Variants in ITPR1 observed in about 807,000 individuals in gnomAD.
ITPR1 encodes the protein inositol 1,4,5-trisphosphate-gated calcium channel ITPR1.
Under a neutral mutation model 318.4 loss-of-function variants are expected in ITPR1, and 96 were observed. The ratio of observed to expected loss-of-function variants is 0.30; its 90% CI spans 0.26 to 0.36. ITPR1 has a LOEUF of 0.36. ITPR1 is among the 10% of genes least tolerant of loss of function. ITPR1 has a pLI of 1.00. For synonymous variants in ITPR1, 1,312 were observed against 1,289.9 expected, an observed-to-expected ratio of 1.02 and a Z score of -0.37; for missense variants, 2,440 against 3,460.2, an observed-to-expected ratio of 0.71 and a Z score of 7.40.
At chr3:4,749,995 A>G (rs17041331) in intron 44 of ITPR1, 9,311 of 152,570 alleles carry the variant, frequency 0.061, 452 homozygotes, top group South Asian at 0.13. Flanking sequence ...CATCCACTGG[A>G]CTCTTACCAT....
intron 4 of ITPR1, among the ~76,000 whole-genome samples, chr3:4,530,066 C>G (rs763740133): frequency 6.6e-6 from 1 of 152,108 alleles, no homozygotes; most frequent in Admixed American, 6.6e-5. Context: ...AAAAATTACC[C>G]GATTTCTTAA....
chr3:4,750,200 A>G (rs1267283360), intron 44 of ITPR1: 1 of 152,130 alleles, frequency 6.6e-6, no homozygotes, highest in Admixed American at 6.5e-5. Flanking sequence ...AGGAAGCCAC[A>G]AGATTCCATA....
intron 4 of ITPR1, among the ~76,000 whole-genome samples, chr3:4,576,576 A>G (rs957335917): frequency 6.6e-6 from 1 of 152,166 alleles, no homozygotes; most frequent in South Asian, 2.1e-4. Flanking sequence ...AGAAAAAGAA[A>G]ATTTATCTAG....
chr3:4,618,915 A>G (rs916718225), intron 4 of ITPR1, among the ~76,000 whole-genome samples: 2 of 152,230 alleles, frequency 1.3e-5, no homozygotes, highest in Admixed American at 6.5e-5. Context: ...TTTGATAAAC[A>G]ACCACACAAC....
Position 4,725,529 on chromosome 3 carries a change from G to C in ITPR1, c.5137-17G>C, listed in dbSNP as rs77448192. 1.3e-6 allele frequency: 2 copies of C among 1,597,626 alleles called. No homozygotes were observed. The highest frequency in any genetic ancestry group is 4.5e-5 in the East Asian group (2 of 44,858). On this transcript the variant is annotated splice_polypyrimidine_tract_variant and intron_variant, in intron 40 of 61. Transcript: ENST00000649015. ...GCAAGTGCCATGACTAACGTACTTC[G>C]TTTTACTCCCAATTAGCTTCCTCCA...
chr3:4,550,664 G>A (rs1443838374), intron 4 of ITPR1, among the ~76,000 whole-genome samples: 1 of 152,168 alleles, frequency 6.6e-6, no homozygotes, highest in Non-Finnish European at 1.5e-5. Flanking sequence ...AGGACTGCTT[G>A]AAACTAGGGG....
intron 4 of ITPR1, among the ~76,000 whole-genome samples, chr3:4,620,788 T>A (rs189416896): frequency 6.6e-6 from 1 of 151,494 alleles, no homozygotes; most frequent in African/African-American, 2.4e-5. Context: ...TCAGCCTGAA[T>A]TAAATTATTT....
At chr3:4,504,528 G>A (rs2081266116) in intron 2 of ITPR1, among the ~76,000 whole-genome samples, 2 of 152,176 alleles carry the variant, frequency 1.3e-5, no homozygotes, top group African/African-American at 4.8e-5. Context: ...ATCTGATGAT[G>A]GGGACATGCT....
chr3:4,717,235 T>A, intron 39 of ITPR1, 132 bp from the exon 40 acceptor site: 1 of 797,972 alleles, frequency 1.3e-6, no homozygotes, highest in Non-Finnish European at 2.1e-6. Flanking sequence ...CCAAGCCTCT[T>A]AGGATGGTTA....
chr3:4,526,358 C>G (rs1432161612), intron 4 of ITPR1, among the ~76,000 whole-genome samples: 1 of 152,170 alleles, frequency 6.6e-6, no homozygotes, highest in Non-Finnish European at 1.5e-5. Context: ...TGTGGATGTT[C>G]CAGATAAGTA....
chr3:4,597,412 G>A (rs2090917079), intron 4 of ITPR1, among the ~76,000 whole-genome samples: 1 of 152,226 alleles, frequency 6.6e-6, no homozygotes, highest in African/African-American at 2.4e-5. Context: ...GGTGTATGTA[G>A]ATGATGAAGA....
At chr3:4,619,508 T>TC (rs1340880086) in intron 4 of ITPR1, among the ~76,000 whole-genome samples, 1 of 148,946 alleles carries the variant, frequency 6.7e-6, no homozygotes, top group African/African-American at 2.5e-5. Flanking sequence ...TCCTTTCCTC[T>TC]CCTTCTGCCC....
At chr3:4,807,140 A>AGGGGGGCTTACAAAGAG (rs543016457) in intron 55 of ITPR1, among the ~76,000 whole-genome samples, 2 of 2,056 alleles carry the variant, frequency 9.7e-4, no homozygotes, top group African/African-American at 2.9e-3. Flanking sequence ...TTACAAAGAG[A>AGGGGGGCTTACAAAGAG]GGGGGGACTT....
rs979343226 is a variant in ITPR1 at position 4,639,611 on chromosome 3, G to A, written c.366+141G>A. ...GCCAGTTTATTGCAAAAAGTCTAGT[G>A]TTTCTTGTTAGATGTGATAGACTCT... On this transcript the variant is annotated intron_variant, in intron 6 of 61. Coordinates refer to ENST00000649015, the MANE Select transcript of ITPR1 (RefSeq NM_001378452.1). 6 of 661,374 alleles carry A rather than the reference G, an allele frequency of 9.1e-6. No homozygotes were observed. In the Admixed American group the frequency reaches 1.4e-4, roughly 15 times the overall value. The allele number at this position is 661,374 out of a possible 1,614,324, so 41.0% of individuals were successfully genotyped here.
At chr3:4,581,212 G>A (rs903098164) in intron 4 of ITPR1, among the ~76,000 whole-genome samples, 3 of 152,196 alleles carry the variant, frequency 2.0e-5, no homozygotes, top group Non-Finnish European at 2.9e-5. Context: ...AGCATCAGCA[G>A]GGTAGAGGAG....
At chr3:4,804,686 A>T (rs907493919) in intron 54 of ITPR1, among the ~76,000 whole-genome samples, 1 of 152,192 alleles carries the variant, frequency 6.6e-6, no homozygotes, top group Non-Finnish European at 1.5e-5. Flanking sequence ...CCACATCATC[A>T]TGGATCATCC....
At chr3:4,514,998 G>C (rs2082081623) in intron 2 of ITPR1, among the ~76,000 whole-genome samples, 1 of 152,192 alleles carries the variant, frequency 6.6e-6, no homozygotes. Flanking sequence ...TCAAGGTCTA[G>C]AGATGCTGGC....
chr3:4,584,787 C>T (rs183080746), intron 4 of ITPR1, among the ~76,000 whole-genome samples: 3 of 152,266 alleles, frequency 2.0e-5, no homozygotes, highest in Admixed American at 2.0e-4. Flanking sequence ...CCCCGTTCAT[C>T]TCCCTTGCCC....
chr3:4,571,659 G>T (rs192514093), intron 4 of ITPR1, among the ~76,000 whole-genome samples: 2 of 152,076 alleles, frequency 1.3e-5, no homozygotes, highest in Non-Finnish European at 1.5e-5. Context: ...CCTACCACAC[G>T]TGTTGTCTCC....
Sources: gnomAD v4.1 joint callset for allele counts (sites outside exome capture counted in the v4.1 genomes callset) on GRCh38, gnomAD v4.1.1 for gene constraint, MANE v1.5 for transcripts, NCBI Gene and HGNC (gene_info 2026-07-23, HGNC 2026-07-21) for gene names.